Variants in ZDHHC17 observed in about 807,000 individuals in gnomAD.
ZDHHC17 encodes palmitoyltransferase ZDHHC17.
In ZDHHC17, 40 loss-of-function variants were observed where a neutral mutation model predicts 90.3. The observed-to-expected ratio is 0.44, with a 90% confidence interval of 0.34 to 0.58. ZDHHC17 has a LOEUF of 0.58. Ranked by LOEUF, ZDHHC17 falls within the 20% of genes least tolerant of loss-of-function variation. The probability of loss-of-function intolerance (pLI) is 0.01; values close to 1 mark genes in which losing one functional copy is unlikely to be tolerated. For synonymous variants in ZDHHC17, 235 were observed against 252.4 expected, an observed-to-expected ratio of 0.93 and a Z score of 0.65; for missense variants, 614 against 780.8, an observed-to-expected ratio of 0.79 and a Z score of 2.55.
chr12:76,795,062 T>C (rs1244301818), intron 1 of ZDHHC17, among the ~76,000 whole-genome samples: 1 of 152,240 alleles, frequency 6.6e-6, no homozygotes, highest in Non-Finnish European at 1.5e-5. Context: ...CTCTACTTTG[T>C]CTTTCCATTC....
intron 1 of ZDHHC17, among the ~76,000 whole-genome samples, chr12:76,796,719 G>A (rs1952823523): frequency 6.6e-6 from 1 of 152,124 alleles, no homozygotes; most frequent in African/African-American, 2.4e-5. Flanking sequence ...GGGCCTTAGA[G>A]TTTATCTGAG....
chr12:76,778,386 A>T (rs1465138626), intron 1 of ZDHHC17, among the ~76,000 whole-genome samples: 1 of 151,978 alleles, frequency 6.6e-6, no homozygotes, highest in Non-Finnish European at 1.5e-5. Context: ...CACCCAGCGA[A>T]TTTTTTTAGT....
intron 1 of ZDHHC17, among the ~76,000 whole-genome samples, chr12:76,778,600 T>C (rs1952588478): frequency 6.6e-6 from 1 of 152,252 alleles, no homozygotes; most frequent in African/African-American, 2.4e-5. Flanking sequence ...AAATGGATGC[T>C]GAGTCAGCAA....
At position 76,849,533 on chromosome 12, in the gene ZDHHC17, C is replaced by CTCTTT. The variant is rs1491243151; in HGVS notation, c.1760+65_1760+69dup. The CTCTTT allele has an allele frequency of 4.0e-6, 4 of 1,006,166 alleles. No homozygotes were observed. The South Asian group carries it at 4.8e-5, about 12-fold the overall frequency. 62.3% of individuals were successfully genotyped at this position (1,006,166 alleles called of 1,614,324 possible). ...CATAAAAATTTTCTTACTAACCAGA[C>CTCTTT]TCTTTTACTTAGTGATATGTAAAAT... On this transcript the variant is annotated intron_variant, in intron 16 of 16. Coordinates refer to ENST00000426126, the MANE Select transcript of ZDHHC17 (RefSeq NM_015336.4).
chr12:76,849,886 A>T (rs1953542004), intron 16 of ZDHHC17, among the ~76,000 whole-genome samples: 1 of 152,148 alleles, frequency 6.6e-6, no homozygotes, highest in Non-Finnish European at 1.5e-5. Flanking sequence ...ATTCTCCCAT[A>T]GGTACAAAAA....
intron 1 of ZDHHC17, among the ~76,000 whole-genome samples, chr12:76,775,120 G>T (rs1279296785): frequency 6.6e-6 from 1 of 152,172 alleles, no homozygotes; most frequent in East Asian, 1.9e-4. Context: ...CGGCCTCTTT[G>T]TGGTTATTCC....
chr12:76,802,425 G>A (rs1362781287), intron 2 of ZDHHC17, among the ~76,000 whole-genome samples: 1 of 152,142 alleles, frequency 6.6e-6, no homozygotes, highest in Non-Finnish European at 1.5e-5. Flanking sequence ...CTCAGTGTGG[G>A]TGTCTTGGAG....
In ZDHHC17 at chr12:76,805,628, G is replaced by A. The variant is rs76155452; in HGVS notation, c.320+189G>A. Reference sequence around the variant, plus strand: ...TATATTGAATGCTTATATTAGCCAAGTACTGTACTGAGTACTTTTCCATAT... The same window carrying A: ...TATATTGAATGCTTATATTAGCCAAATACTGTACTGAGTACTTTTCCATAT... On this transcript the variant is annotated intron_variant, in intron 3 of 16. Coordinates refer to ENST00000426126, the MANE Select transcript of ZDHHC17 (RefSeq NM_015336.4). 3.9e-5 allele frequency among the ~76,000 whole-genome samples: 6 copies of A among 152,284 alleles called. No homozygotes were observed. The East Asian group carries it at 1.2e-3, about 29-fold the overall frequency.
At chr12:76,766,104 G>T (rs1952427713) in intron 1 of ZDHHC17, among the ~76,000 whole-genome samples, 2 of 152,174 alleles carry the variant, frequency 1.3e-5, no homozygotes, top group Admixed American at 6.5e-5. Context: ...AACAAATCCA[G>T]ATTATTTGGT....
At position 76,849,374 on chromosome 12, in the gene ZDHHC17, A is replaced by T; in HGVS notation, c.1666-2A>T. ...AATGGTTTGCTTTTTCTTTCCTCTT[A>T]GATATCATGTTTAGGTATTACTACA... On this transcript the variant is annotated splice_acceptor_variant, in intron 15 of 16. Coordinates refer to ENST00000426126, the MANE Select transcript of ZDHHC17 (RefSeq NM_015336.4). LOFTEE classifies it high-confidence loss of function. 7.8e-7 allele frequency: 1 copy of T among 1,288,560 alleles called. No homozygotes were observed. Among genetic ancestry groups the T allele is most frequent in the Non-Finnish European group, 1.1e-6 (1 of 936,868 alleles). 79.8% of individuals were successfully genotyped at this position (1,288,560 alleles called of 1,614,324 possible). A position where few individuals can be genotyped will look rare whatever the true frequency, so the allele number is the denominator to read the frequency against.
chr12:76,837,479 A>T (rs1287455608), intron 10 of ZDHHC17, among the ~76,000 whole-genome samples: 1 of 152,126 alleles, frequency 6.6e-6, no homozygotes, highest in Non-Finnish European at 1.5e-5. Flanking sequence ...TGGGCAACAG[A>T]GTGAGACCTT....
At chr12:76,829,481 AAAAG>A (rs1459347282) in intron 10 of ZDHHC17, among the ~76,000 whole-genome samples, 3 of 142,674 alleles carry the variant, frequency 2.1e-5, no homozygotes, top group Non-Finnish European at 3.1e-5. Flanking sequence ...AAAAAAAAAA[AAAAG>A]AACTACCATT....
At chr12:76,767,387 A>C (rs1204111913) in intron 1 of ZDHHC17, among the ~76,000 whole-genome samples, 1 of 152,268 alleles carries the variant, frequency 6.6e-6, no homozygotes, top group Non-Finnish European at 1.5e-5. Context: ...ATCTCTTATT[A>C]GTATGCAAAC....
chr12:76,801,751 C>T (rs1438865057), intron 2 of ZDHHC17, among the ~76,000 whole-genome samples: 1 of 152,152 alleles, frequency 6.6e-6, no homozygotes, highest in Non-Finnish European at 1.5e-5. Flanking sequence ...AACTGTGCTC[C>T]TTTACAGCCT....
chr12:76,771,054 T>C (rs1952486262), intron 1 of ZDHHC17, among the ~76,000 whole-genome samples: 1 of 152,170 alleles, frequency 6.6e-6, no homozygotes, highest in African/African-American at 2.4e-5. Flanking sequence ...GATTATAGTA[T>C]TATTTTATGA....
chr12:76,830,676 A>G (rs961173311), intron 10 of ZDHHC17, among the ~76,000 whole-genome samples: 3 of 152,160 alleles, frequency 2.0e-5, no homozygotes, highest in Non-Finnish European at 4.4e-5. Flanking sequence ...AGTATTCCAG[A>G]CATATTTTCT....
At chr12:76,839,998 G>C (rs1265597178) in intron 10 of ZDHHC17, 1 of 152,168 alleles carries the variant, frequency 6.6e-6, no homozygotes, top group East Asian at 1.9e-4. Context: ...TTTAATACTT[G>C]CTCTACCTCT....
Position 76,848,291 on chromosome 12 carries a change from T to C in ZDHHC17, c.1566T>C (p.Thr522=). ...AGGATGGATTTTGGACATACATTAC[T>C]CAGATTGCCACGTGTTCACCTTGGA... The part of the protein sequence containing the change: ...YTKDGFWTYI[T]QIATCSPWMF... The change falls in exon 15 of 17, where the codon ACT becomes ACC. Residue 522 remains threonine, a synonymous_variant. Transcript: ENST00000426126. 1 of 1,613,964 alleles carries C rather than the reference T, an allele frequency of 6.2e-7. No individual in the cohort carries two copies. Among genetic ancestry groups the C allele is most frequent in the Non-Finnish European group, 8.5e-7 (1 of 1,179,878 alleles).
At chr12:76,787,635 T>C (rs953489293) in intron 1 of ZDHHC17, among the ~76,000 whole-genome samples, 1 of 152,018 alleles carries the variant, frequency 6.6e-6, no homozygotes, top group Non-Finnish European at 1.5e-5. Context: ...TCTCTCTCTC[T>C]CTCTCTGTCT....
Sources: gnomAD v4.1 joint callset for allele counts (sites outside exome capture counted in the v4.1 genomes callset) on GRCh38, gnomAD v4.1.1 for gene constraint, MANE v1.5 for transcripts, NCBI Gene and HGNC (gene_info 2026-07-23, HGNC 2026-07-21) for gene names.